The following HNF1A variants were observed in gnomAD, a reference collection of about 807,000 sequenced individuals.
HNF1A encodes HNF1 homeobox A.
HNF1A carries 21 observed loss-of-function variants against 62.2 expected under a neutral mutation model. The observed-to-expected ratio is 0.34, with a 90% CI of 0.24 to 0.49. HNF1A has a LOEUF of 0.49. Among genes scored for constraint, HNF1A ranks in the 20% least tolerant of loss-of-function variants. HNF1A has a pLI of 0.99. For synonymous variants in HNF1A, 374 were observed against 366.8 expected, an observed-to-expected ratio of 1.02 and a Z score of -0.22; for missense variants, 687 against 832.3, an observed-to-expected ratio of 0.83 and a Z score of 2.15.
chr12:120,983,849 G>A (rs1051415486), intron 1 of HNF1A, among the ~76,000 whole-genome samples: 1 of 151,608 alleles, frequency 6.6e-6, no homozygotes, highest in Non-Finnish European at 1.5e-5. Context: ...CCCAGCCTTG[G>A]CCTCTTAGTT....
chr12:120,978,673 T>G lies in HNF1A; in HGVS notation c.-96T>G, dbSNP rs576862555. 2.3e-4 allele frequency: 276 copies of G among 1,184,650 alleles called. 1 individual carries two copies. The highest frequency in any genetic ancestry group is 1.6e-3 in the Middle Eastern group (8 of 5,116). 73.4% of individuals were successfully genotyped at this position (1,184,650 alleles called of 1,614,324 possible). On this transcript the variant is annotated 5_prime_UTR_variant, in exon 1 of 10. Transcript: ENST00000257555. ...GGGCAGTGGGTGCAAGGAGTTTGGT[T>G]TGTGTCTGCCGGCCGGCAGGCAAAC...
At chr12:120,980,463 T>C (rs1876196845) in intron 1 of HNF1A, among the ~76,000 whole-genome samples, 2 of 151,616 alleles carry the variant, frequency 1.3e-5, no homozygotes, top group Non-Finnish European at 2.9e-5. Context: ...CAGGGCCCCC[T>C]GACTTGGCAG....
chr12:120,979,921 A>G (rs1012062509), intron 1 of HNF1A, among the ~76,000 whole-genome samples: 12 of 152,154 alleles, frequency 7.9e-5, no homozygotes, highest in Non-Finnish European at 1.5e-4. Flanking sequence ...GCCTGGAAAG[A>G]TCTGGGCCAA....
At chr12:120,990,653 T>TAGGAAAGGG (rs1490293124) in intron 2 of HNF1A, among the ~76,000 whole-genome samples, 35 of 82,894 alleles carry the variant, frequency 4.2e-4, no homozygotes, top group African/African-American at 1.3e-3. Context: ...GGAGGAAAGG[T>TAGGAAAGGG]AGGAAAGGGA....
intron 6 of HNF1A, chr12:120,997,257 T>C: frequency 7.0e-7 from 1 of 1,426,670 alleles, no homozygotes. Flanking sequence ...CCTCTCCCAC[T>C]AGCCTAGACA....
At chr12:120,990,655 GGAAAGGGAGGAAAGGT>G (rs1238959679) in intron 2 of HNF1A, among the ~76,000 whole-genome samples, 35 of 146,536 alleles carry the variant, frequency 2.4e-4, no homozygotes, top group African/African-American at 8.4e-4. Context: ...AGGAAAGGTA[GGAAAGGGAGGAAAGGT>G]AGGAAAGGGA....
Position 120,990,303 on chromosome 12 carries a change from A to G in HNF1A, c.526+1271A>G, listed in dbSNP as rs865779540. 7.9e-4 allele frequency among the ~76,000 whole-genome samples: 120 copies of G among 151,966 alleles called. 1 individual carries two copies. The highest frequency in any genetic ancestry group is 3.4e-3 in the Middle Eastern group (1 of 294). On this transcript the variant is annotated intron_variant, in intron 2 of 9. Transcript: ENST00000257555. ...ACTACAGGTGCCCGCCACCACGCCC[A>G]GCTAATTTTTTGTATTTTTAGTAGA... is the stretch of plus-strand genomic sequence containing the variant.
At chr12:121,000,586 T>G (rs1592899744) in intron 9 of HNF1A, 1 of 221,148 alleles carries the variant, frequency 4.5e-6, no homozygotes, top group Non-Finnish European at 9.1e-6. Flanking sequence ...CTCTGGGGAG[T>G]GAATTCTGCA....
At chr12:120,999,188 C>T in intron 7 of HNF1A, 80 bp from the exon 8 acceptor site, 2 of 1,563,250 alleles carry the variant, frequency 1.3e-6, no homozygotes, top group East Asian at 2.2e-5. Flanking sequence ...CCCCATGCCC[C>T]CCTTTCCCCA....
At position 121,002,387 on chromosome 12, in the gene HNF1A, C is replaced by G; in HGVS notation, c.*1195C>G. 1 of 519,360 alleles carries G rather than the reference C, an allele frequency of 1.9e-6. No individual in the cohort carries two copies. Among genetic ancestry groups the G allele is most frequent in the Non-Finnish European group, 3.7e-6 (1 of 269,858 alleles). 32.2% of individuals were successfully genotyped at this position (519,360 alleles called of 1,614,324 possible). ...GCTGAGAACCTGGCCTTCAGTGTAC[C>G]GCGTCTACCCTGGGATTCAGGAAAA... On this transcript the variant is annotated 3_prime_UTR_variant, in exon 10 of 10. Transcript: ENST00000257555.
At chr12:120,998,160 G>C (rs1291755359) in intron 7 of HNF1A, 1 of 272,158 alleles carries the variant, frequency 3.7e-6, no homozygotes, top group Admixed American at 4.6e-5. Flanking sequence ...CGTGCCTGTA[G>C]TCCCAGCTAC....
At chr12:120,985,030 C>T (rs1421440562) in intron 1 of HNF1A, among the ~76,000 whole-genome samples, 4 of 151,740 alleles carry the variant, frequency 2.6e-5, no homozygotes, top group Admixed American at 6.6e-5. Context: ...ATTGCAGCCC[C>T]GACCTCTCGG....
At chr12:120,988,435 CCCAT>C (rs1294376577) in intron 1 of HNF1A, among the ~76,000 whole-genome samples, 1 of 151,630 alleles carries the variant, frequency 6.6e-6, no homozygotes, top group Admixed American at 6.6e-5. Flanking sequence ...CATCCACCCA[CCCAT>C]CCATCCATCC....
chr12:120,999,941 T>C (rs1386535469), intron 9 of HNF1A, among the ~76,000 whole-genome samples: 1 of 152,236 alleles, frequency 6.6e-6, no homozygotes, highest in African/African-American at 2.4e-5. Flanking sequence ...AAGCGACTCT[T>C]GCATGTGTTT....
rs766132569 is a variant in HNF1A, at chr12:120,999,476, C to T, written c.1624-7C>T. 8 of 1,613,750 alleles carry T rather than the reference C, an allele frequency of 5.0e-6. No individual in the cohort carries two copies. The South Asian group carries it at 5.5e-5, about 11-fold the overall frequency. ...CCCGGGCTCAGGAGGCTGCTCTGCT[C>T]CCCCAGGTCTTCACCTCAGACACTG... On this transcript the variant is annotated splice_polypyrimidine_tract_variant and splice_region_variant and intron_variant, in intron 8 of 9. Transcript: ENST00000257555.
intron 1 of HNF1A, among the ~76,000 whole-genome samples, chr12:120,988,260 CCACCCACCCACCCACCAA>C (rs1482905035): frequency 2.3e-5 from 3 of 132,092 alleles, no homozygotes; most frequent in Admixed American, 7.5e-5. Flanking sequence ...CATCATCCAT[CCACCCACCCACCCACCAA>C]TCCATCCATC....
Position 120,996,927 on chromosome 12 carries a change from T to C in HNF1A, c.1309+185T>C, listed in dbSNP as rs968630543. ...CCTGGGTGAACCAAACAGACCAAAATCTCAGCAACTCAAGCAGGGAGGCAG... is the reference window on the plus strand; with the variant it reads ...CCTGGGTGAACCAAACAGACCAAAACCTCAGCAACTCAAGCAGGGAGGCAG... On this transcript the variant is annotated intron_variant, in intron 6 of 9. Transcript: ENST00000257555. The surrounding 1 kb of genome is among the most constrained non-coding windows in gnomAD (Gnocchi z 4.5). 1.3e-6 allele frequency: 2 copies of C among 1,500,664 alleles called. No individual in the cohort carries two copies. Among genetic ancestry groups the C allele is most frequent in the Non-Finnish European group, 1.8e-6 (2 of 1,103,214 alleles). The allele number at this position is 1,500,664 out of a possible 1,614,324, so 93.0% of individuals were successfully genotyped here. A position where few individuals can be genotyped will look rare whatever the true frequency, so the allele number is the denominator to read the frequency against.
chr12:120,994,313 G>C lies in HNF1A; in HGVS notation c.863G>C (p.Gly288Ala), dbSNP rs1565885932. ...RHKLAMDTYS[G>A]PPPGPGPGPA... Reference sequence around the variant, plus strand: ...AAGCTGGCCATGGACACGTACAGCGGGCCCCCCCCAGGGCCAGGCCCGGGA... The same window carrying C: ...AAGCTGGCCATGGACACGTACAGCGCGCCCCCCCCAGGGCCAGGCCCGGGA... Residue 288 changes from glycine (G) to alanine (A), a missense_variant, in exon 4 of 10, where the codon GGG becomes GCG. Transcript: ENST00000257555. 5.0e-6 allele frequency: 8 copies of C among 1,599,436 alleles called. No homozygotes were observed. The highest frequency in any genetic ancestry group is 1.3e-5 in the African/African-American group (1 of 74,814).
chr12:120,985,727 G>C (rs949560631), intron 1 of HNF1A, among the ~76,000 whole-genome samples: 2 of 151,824 alleles, frequency 1.3e-5, no homozygotes, highest in Non-Finnish European at 2.9e-5. Flanking sequence ...GCTCACACCT[G>C]TAATCCCAGC....
Sources: allele counts gnomAD v4.1 joint callset (sites outside exome capture counted in the v4.1 genomes callset), GRCh38; gene constraint gnomAD v4.1.1; non-coding constraint Gnocchi (gnomAD v3.1); transcripts MANE v1.5; gene names NCBI Gene and HGNC (gene_info 2026-07-23, HGNC 2026-07-21).